SLC35D4: variants seen among roughly 807,000 people sequenced by gnomAD.
The protein encoded by SLC35D4 is solute carrier family 35 member D4, also known as UDP-N-acetylglucosamine transporter SLC35D4.
the SLC35D4 span, among the ~76,000 whole-genome samples, chr18:23,436,736 TG>T: frequency 6.6e-6 from 1 of 152,072 alleles, no homozygotes; most frequent in African/African-American, 2.4e-5. Context: ...GAGGTTGCAG[TG>T]AGCCGAGATC....
chr18:23,246,541 G>GC, the SLC35D4 span, among the ~76,000 whole-genome samples: 4 of 151,564 alleles, frequency 2.6e-5, no homozygotes, highest in African/African-American at 7.3e-5. Flanking sequence ...ACAGGCACCC[G>GC]CCACCACACC....
At chr18:23,292,358 G>A in the SLC35D4 span, among the ~76,000 whole-genome samples, 1 of 152,238 alleles carries the variant, frequency 6.6e-6, no homozygotes, top group Non-Finnish European at 1.5e-5. Context: ...TCAGGTGAGA[G>A]CAGTGCCATT....
the SLC35D4 span, among the ~76,000 whole-genome samples, chr18:23,424,942 GATAAT>G: frequency 6.6e-6 from 1 of 152,118 alleles, no homozygotes; most frequent in Non-Finnish European, 1.5e-5. Context: ...ACAAAGTGGT[GATAAT>G]ATAATAAACA....
the SLC35D4 span, among the ~76,000 whole-genome samples, chr18:23,361,345 G>A: frequency 1.3e-5 from 2 of 152,016 alleles, no homozygotes; most frequent in African/African-American, 4.8e-5. Context: ...AGTGTAATAA[G>A]CAAGTGAAAA....
the SLC35D4 span, among the ~76,000 whole-genome samples, chr18:23,405,641 C>T: frequency 0.055 from 8,304 of 152,204 alleles, 313 homozygotes; most frequent in South Asian, 0.19. Context: ...ATATGACAGA[C>T]CAAGTCCAAT....
the SLC35D4 span, among the ~76,000 whole-genome samples, chr18:23,239,126 A>G: frequency 0.29 from 44,870 of 152,150 alleles, 7,038 homozygotes; most frequent in Admixed American, 0.44. Context: ...TTGAGGTTCC[A>G]GGCCGCAGTA....
chr18:23,329,803 A>G, the SLC35D4 span, among the ~76,000 whole-genome samples: 2 of 152,178 alleles, frequency 1.3e-5, no homozygotes, highest in African/African-American at 4.8e-5. Context: ...CTTGGAACTA[A>G]CCCCAATGTC....
the SLC35D4 span, among the ~76,000 whole-genome samples, chr18:23,349,502 G>A: frequency 1.5e-3 from 233 of 152,222 alleles, 1 homozygote; most frequent in Middle Eastern, 0.024. Context: ...GTGGTGGCAC[G>A]CACCTGTAGT....
At chr18:23,303,888 C>G in the SLC35D4 span, among the ~76,000 whole-genome samples, 1 of 130,934 alleles carries the variant, frequency 7.6e-6, no homozygotes, top group African/African-American at 2.9e-5. Flanking sequence ...GGCGACAGAG[C>G]AAAACTCTAT....
chr18:23,266,022 C>T, the SLC35D4 span, among the ~76,000 whole-genome samples: 13 of 152,080 alleles, frequency 8.5e-5, no homozygotes. Context: ...GCTTACTTTC[C>T]CCCCTTCTTT....
chr18:23,246,887 T>C, the SLC35D4 span, among the ~76,000 whole-genome samples: 1 of 152,048 alleles, frequency 6.6e-6, no homozygotes, highest in African/African-American at 2.4e-5. Flanking sequence ...GAGACGGGGT[T>C]TTACCATGTT....
At chr18:23,402,013 A>G in the SLC35D4 span, among the ~76,000 whole-genome samples, 2 of 152,234 alleles carry the variant, frequency 1.3e-5, no homozygotes, top group East Asian at 1.9e-4. Flanking sequence ...TCCCAGGCAC[A>G]GGACCCCGGT....
the SLC35D4 span, among the ~76,000 whole-genome samples, chr18:23,285,814 A>G: frequency 6.6e-6 from 1 of 151,902 alleles, no homozygotes; most frequent in Admixed American, 6.6e-5. Context: ...GTTTCATTCC[A>G]TGACTAGCCC....
the SLC35D4 span, among the ~76,000 whole-genome samples, chr18:23,302,648 G>A: frequency 6.6e-6 from 1 of 152,146 alleles, no homozygotes; most frequent in Non-Finnish European, 1.5e-5. Context: ...CTGGAGTCAG[G>A]GAATGTGCCT....
At chr18:23,433,879 T>C in the SLC35D4 span, among the ~76,000 whole-genome samples, 26 of 150,690 alleles carry the variant, frequency 1.7e-4, no homozygotes, top group African/African-American at 6.3e-4. Flanking sequence ...AAAAAAAAAC[T>C]TCACTAATTC....
At chr18:23,344,440 C>G in the SLC35D4 span, among the ~76,000 whole-genome samples, 1 of 152,108 alleles carries the variant, frequency 6.6e-6, no homozygotes, top group African/African-American at 2.4e-5. Flanking sequence ...AAACTGCTTT[C>G]CTTTAGACCA....
chr18:23,343,695 T>C, the SLC35D4 span, among the ~76,000 whole-genome samples: 1 of 152,198 alleles, frequency 6.6e-6, no homozygotes, highest in Non-Finnish European at 1.5e-5. Flanking sequence ...CGAGTAGTTT[T>C]CCAATCCTCT....
At chr18:23,254,531 TC>T in the SLC35D4 span, among the ~76,000 whole-genome samples, 6 of 152,148 alleles carry the variant, frequency 3.9e-5, no homozygotes, top group African/African-American at 1.4e-4. Context: ...TTGTTACAGT[TC>T]CCAAGAGGAG....
chr18:23,286,643 A>T, the SLC35D4 span, among the ~76,000 whole-genome samples: 2 of 151,032 alleles, frequency 1.3e-5, no homozygotes, highest in African/African-American at 2.4e-5. Context: ...GAGGCTACCC[A>T]CTCCACGTTA....
Sources: allele counts gnomAD v4.1 joint callset (sites outside exome capture counted in the v4.1 genomes callset), GRCh38; gene constraint gnomAD v4.1.1; transcripts MANE v1.5; gene names NCBI Gene and HGNC (gene_info 2026-07-23, HGNC 2026-07-21).